CMKLR2: variants seen among roughly 807,000 people sequenced by gnomAD.
CMKLR2 encodes chemerin-like receptor 2.
In CMKLR2, 18 loss-of-function variants were observed where a neutral mutation model predicts 23.0. The observed-to-expected ratio is 0.78, with a 90% confidence interval of 0.54 to 1.16. The LOEUF (loss-of-function observed/expected upper bound fraction) is 1.16, where lower values mean the gene tolerates loss of function less well. Among genes scored for constraint, CMKLR2 ranks in the 50% most tolerant of loss-of-function variants. The probability of loss-of-function intolerance (pLI) is 0.00; values close to 1 mark genes in which losing one functional copy is unlikely to be tolerated. For synonymous variants in CMKLR2, 158 were observed against 158.9 expected (o/e 0.99, Z 0.05); for missense variants, 401 against 412.7 (o/e 0.97, Z 0.25).
chr2:206,204,105 C>G (rs1436372081), intron 1 of CMKLR2, among the ~76,000 whole-genome samples: 1 of 152,168 alleles, frequency 6.6e-6, no homozygotes, highest in Non-Finnish European at 1.5e-5. Context: ...GTAATCCCAG[C>G]ACTTTGGGAG....
intron 1 of CMKLR2, among the ~76,000 whole-genome samples, chr2:206,201,503 A>G (rs1689095527): frequency 1.3e-5 from 2 of 152,188 alleles, no homozygotes; most frequent in East Asian, 1.9e-4. Flanking sequence ...CACTTTTCAT[A>G]TACATTTCCT....
chr2:206,195,084 G>A (rs1019516794), intron 1 of CMKLR2, among the ~76,000 whole-genome samples: 1 of 152,094 alleles, frequency 6.6e-6, no homozygotes, highest in African/African-American at 2.4e-5. Flanking sequence ...TTATTTTATG[G>A]TAATGAAAAC....
chr2:206,215,460 C>T (rs956340556), upstream of CMKLR2, among the ~76,000 whole-genome samples: 5 of 152,042 alleles, frequency 3.3e-5, no homozygotes, highest in African/African-American at 4.8e-5. Context: ...ATATGAAAAG[C>T]GACAAGAGAA....
At chr2:206,186,107 G>A (rs1408979620) in intron 1 of CMKLR2, among the ~76,000 whole-genome samples, 1 of 132,938 alleles carries the variant, frequency 7.5e-6, no homozygotes, top group Non-Finnish European at 1.6e-5. Flanking sequence ...GTGTGGGTCT[G>A]TGGAATGGGC....
intron 1 of CMKLR2, among the ~76,000 whole-genome samples, chr2:206,194,946 C>T (rs552689259): frequency 1.1e-4 from 16 of 151,054 alleles, no homozygotes; most frequent in African/African-American, 2.4e-4. Flanking sequence ...TTAGTAGACA[C>T]GGAGTTTCAC....
chr2:206,212,207 T>TTAGC (rs1689594082), intron 1 of CMKLR2, among the ~76,000 whole-genome samples: 1 of 152,170 alleles, frequency 6.6e-6, no homozygotes, highest in African/African-American at 2.4e-5. Flanking sequence ...GACATGACAA[T>TTAGC]TAGCAGTCAA....
chr2:206,198,996 C>T (rs1255846182), intron 1 of CMKLR2, among the ~76,000 whole-genome samples: 1 of 152,206 alleles, frequency 6.6e-6, no homozygotes, highest in Non-Finnish European at 1.5e-5. Flanking sequence ...ATTTCCACTT[C>T]CCAACTAGTT....
chr2:206,176,494 C>T lies in CMKLR2; in HGVS notation c.754G>A (p.Val252Ile). 1 of 1,614,160 alleles carries T rather than the reference C, an allele frequency of 6.2e-7. No individual in the cohort carries two copies. The highest frequency in any genetic ancestry group is 8.5e-7 in the Non-Finnish European group (1 of 1,180,036). ...GTCCAGCAAACCACAAAGGCCACAA[C>T]CACAACCAGAATTGTCCAGAAATGC... Reference protein sequence around the residue: ...SRHFWTILVVVVAFVVCWTPY... With the variant: ...SRHFWTILVVIVAFVVCWTPY... The change falls in exon 2 of 2, where the codon GTT becomes ATT. Residue 252 changes from valine to isoleucine, a missense_variant. Physicochemically the swap from Val to Ile is conservative, Grantham distance 29 (BLOSUM62 3). Transcript: ENST00000621141.
intron 1 of CMKLR2, among the ~76,000 whole-genome samples, chr2:206,193,046 T>A (rs946389566): frequency 6.6e-6 from 1 of 152,180 alleles, no homozygotes; most frequent in African/African-American, 2.4e-5. Context: ...AGCCATTGAT[T>A]TTTTTTCTTC....
At chr2:206,199,658 C>T (rs2105825733) in intron 1 of CMKLR2, among the ~76,000 whole-genome samples, 1 of 151,350 alleles carries the variant, frequency 6.6e-6, no homozygotes, top group Non-Finnish European at 1.5e-5. Context: ...TGCAGTGGCT[C>T]AATCTCAGCT....
chr2:206,191,637 T>C (rs1311717592), intron 1 of CMKLR2, among the ~76,000 whole-genome samples: 2 of 151,736 alleles, frequency 1.3e-5, no homozygotes, highest in Non-Finnish European at 2.9e-5. Context: ...AATATTATAC[T>C]GTATAGTACT....
Position 206,176,159 on chromosome 2 carries a change from G to A in CMKLR2, c.*21C>T. 1 of 1,549,366 alleles carries A rather than the reference G, an allele frequency of 6.5e-7. No individual in the cohort carries two copies. Among genetic ancestry groups the A allele is most frequent in the Non-Finnish European group, 8.8e-7 (1 of 1,139,484 alleles). On this transcript the variant is annotated 3_prime_UTR_variant, in exon 2 of 2. Transcript: ENST00000621141. ...GGACCCACATAAAAAGCCATATACT[G>A]ATTTGTGGAAAAGTAATAACTTATT...
At chr2:206,200,945 G>A (rs78566611) in intron 1 of CMKLR2, among the ~76,000 whole-genome samples, 12,883 of 152,030 alleles carry the variant, frequency 0.085, 700 homozygotes, top group Admixed American at 0.19. Flanking sequence ...TCTTCCTTGC[G>A]TTTTATTTTT....
At chr2:206,212,770 G>A (rs1036464900) in intron 1 of CMKLR2, among the ~76,000 whole-genome samples, 22 of 152,294 alleles carry the variant, frequency 1.4e-4, no homozygotes, top group African/African-American at 5.1e-4. Flanking sequence ...CAAACCACAA[G>A]CCTTTCATCG....
chr2:206,196,391 A>AAAAT (rs145895468), intron 1 of CMKLR2, among the ~76,000 whole-genome samples: 8,821 of 151,262 alleles, frequency 0.058, 387 homozygotes, highest in East Asian at 0.11. Context: ...AATAAAAATA[A>AAAAT]AAATAAATAA....
rs373035570 is a variant in CMKLR2 at position 206,195,885 on chromosome 2, C to T, written c.-29+17422G>A. Among the ~76,000 whole-genome samples, 20 of 148,704 alleles carry T rather than the reference C, an allele frequency of 1.3e-4. No individual in the cohort carries two copies. The East Asian group carries it at 2.8e-3, about 21-fold the overall frequency. On this transcript the variant is annotated intron_variant, in intron 1 of 1. Coordinates refer to ENST00000621141, the MANE Select transcript of CMKLR2 (RefSeq NM_001389445.1). ...AGAAGAATCCCTTGAACCTGGGAGG[C>T]GGAGGTTGCAGTGAGCCGAGATCAC...
Position 206,177,123 on chromosome 2 carries a change from A to G in CMKLR2, c.125T>C (p.Leu42Pro). 6.2e-7 allele frequency: 1 copy of G among 1,614,104 alleles called. No individual in the cohort carries two copies. The highest frequency in any genetic ancestry group is 1.6e-4 in the Middle Eastern group (1 of 6,062). ...VQLGVVHWVS[L>P]VLYCLAFVLG... ...AACAAAAGCCAAACAATATAACACC[A>G]GGGAGACCCAGTGAACAACTCCCAG... Residue 42 changes from leucine (L) to proline (P), a missense_variant, in exon 2 of 2, where the codon CTG (leucine) becomes CCG (proline). Leu to Pro is a moderately conservative substitution (Grantham distance 98). Coordinates refer to ENST00000621141, the MANE Select transcript of CMKLR2 (RefSeq NM_001389445.1).
intron 1 of CMKLR2, among the ~76,000 whole-genome samples, chr2:206,195,317 T>C (rs1688885414): frequency 6.6e-6 from 1 of 152,184 alleles, no homozygotes; most frequent in South Asian, 2.1e-4. Flanking sequence ...TATCTTCAGA[T>C]ACTTGAAGAT....
chr2:206,183,202 G>A (rs1395042709), intron 1 of CMKLR2, among the ~76,000 whole-genome samples: 1 of 152,160 alleles, frequency 6.6e-6, no homozygotes, highest in Non-Finnish European at 1.5e-5. Flanking sequence ...CAATTCAGAA[G>A]CCATATGGCC....
Sources: allele counts gnomAD v4.1 joint callset (sites outside exome capture counted in the v4.1 genomes callset), GRCh38; gene constraint gnomAD v4.1.1; transcripts MANE v1.5; gene names NCBI Gene and HGNC (gene_info 2026-07-23, HGNC 2026-07-21).